Variants in HSP90AA1 observed in about 807,000 individuals in gnomAD.
HSP90AA1 encodes the protein heat shock protein HSP 90-alpha.
In HSP90AA1, 18 loss-of-function variants were observed where a neutral mutation model predicts 73.3. That is an observed-to-expected ratio of 0.25 (90% CI 0.17 to 0.36). The LOEUF is 0.36. HSP90AA1 is among the 10% of genes least tolerant of loss of function. The pLI is 1.00. For synonymous variants in HSP90AA1, 477 were observed against 296.9 expected, an observed-to-expected ratio of 1.61 and a Z score of -6.24; for missense variants, 704 against 874.2, an observed-to-expected ratio of 0.81 and a Z score of 2.45.
intron 3 of HSP90AA1, 46 bp downstream of exon 3, chr14:102,085,712 C>T (rs375506728): frequency 1.7e-5 from 28 of 1,613,436 alleles, no homozygotes; most frequent in African/African-American, 2.7e-5. Flanking sequence ...TTGCAGCACC[C>T]CACCCTTCCA....
upstream of HSP90AA1, chr14:102,087,153 C>T (rs142800199): frequency 3.2e-4 from 315 of 983,862 alleles, 1 homozygote; most frequent in Non-Finnish European, 3.6e-4. Flanking sequence ...CAGCCGCCGC[C>T]GCGGCCGCGC....
In HSP90AA1 at chr14:102,081,033, C is replaced by G. The variant is rs1002401794; in HGVS notation, c.*679G>C. On this transcript the variant is annotated 3_prime_UTR_variant, in exon 11 of 11. Coordinates refer to ENST00000216281, the MANE Select transcript of HSP90AA1 (RefSeq NM_005348.4). ...TACTCCCCTTTCCCCCTAAATAAGA[C>G]ACTGTCACACAATATCTTTTAACTC... 4.4e-6 allele frequency: 1 copy of G among 227,410 alleles called. No individual in the cohort carries two copies. The highest frequency in any genetic ancestry group is 2.2e-5 in the African/African-American group (1 of 44,980). The allele number at this position is 227,410 out of a possible 1,614,324, so 14.1% of individuals were successfully genotyped here. A position where few individuals can be genotyped will look rare whatever the true frequency, so the allele number is the denominator to read the frequency against.
At chr14:102,101,625 C>A (rs1055374418) in intron 2 of HSP90AA1, among the ~76,000 whole-genome samples, 16 of 152,224 alleles carry the variant, frequency 1.1e-4, no homozygotes, top group African/African-American at 3.6e-4. Flanking sequence ...CATATATGCG[C>A]TATAGCCCTG....
chr14:102,084,192 GCC>G (rs1311087807), intron 6 of HSP90AA1: 1 of 672,956 alleles, frequency 1.5e-6, no homozygotes, highest in Non-Finnish European at 2.6e-6. Flanking sequence ...TCATGCCTCA[GCC>G]TGCCACTACA....
chr14:102,083,483 C>T, intron 8 of HSP90AA1, 63 bp downstream of exon 8: 2 of 1,530,942 alleles, frequency 1.3e-6, no homozygotes, highest in Non-Finnish European at 1.8e-6. Context: ...GTAGAAAACA[C>T]ACCCACAGAG....
intron 1 of HSP90AA1, among the ~76,000 whole-genome samples, chr14:102,132,685 G>C (rs572309642): frequency 6.6e-6 from 1 of 152,188 alleles, no homozygotes; most frequent in Non-Finnish European, 1.5e-5. Flanking sequence ...GGGGCTGGGC[G>C]TGGTGGCTCA....
At chr14:102,120,086 G>T (rs1177520806) in intron 1 of HSP90AA1, among the ~76,000 whole-genome samples, 1 of 152,174 alleles carries the variant, frequency 6.6e-6, no homozygotes. Flanking sequence ...AATACAGACT[G>T]GGTGTGGTGG....
At chr14:102,111,283 G>C (rs1253367609) in intron 1 of HSP90AA1, among the ~76,000 whole-genome samples, 1 of 152,254 alleles carries the variant, frequency 6.6e-6, no homozygotes, top group Non-Finnish European at 1.5e-5. Flanking sequence ...GCCGGGCCCA[G>C]GGCCCCCTTG....
chr14:102,083,751 C>T, intron 7 of HSP90AA1, 42 bp downstream of exon 7: 1 of 1,147,698 alleles, frequency 8.7e-7, no homozygotes, highest in African/African-American at 1.6e-5. Flanking sequence ...AAAAAAAAAA[C>T]TAAAGAGGCC....
At chr14:102,102,227 A>G in intron 1 of HSP90AA1, 1 of 731,916 alleles carries the variant, frequency 1.4e-6, no homozygotes, top group Non-Finnish European at 2.4e-6. Flanking sequence ...GGATTAAAAT[A>G]TGTGATATGT....
chr14:102,086,426 G>A lies in HSP90AA1; in HGVS notation c.1-48C>T, dbSNP rs764486295. The A allele has an allele frequency of 5.6e-6, 9 of 1,598,616 alleles. No individual in the cohort carries two copies. The Admixed American group carries it at 6.7e-5, about 12-fold the overall frequency. Reference sequence around the variant, plus strand: ...TAAAACCTTGCAGGACGTCTACAGAGGCAACACGAAATTCCATCGCGTTCT... The same window carrying A: ...TAAAACCTTGCAGGACGTCTACAGAAGCAACACGAAATTCCATCGCGTTCT... On this transcript the variant is annotated intron_variant, in intron 1 of 10. Coordinates refer to ENST00000216281, the MANE Select transcript of HSP90AA1 (RefSeq NM_005348.4).
upstream of HSP90AA1, among the ~76,000 whole-genome samples, chr14:102,087,684 G>A (rs768131936): frequency 1.3e-5 from 2 of 152,088 alleles, no homozygotes. Context: ...GCTGTCCCGC[G>A]GCCTGCGCGC....
chr14:102,085,209 G>C (rs892167012), intron 4 of HSP90AA1, 89 bp downstream of exon 4: 16 of 1,476,246 alleles, frequency 1.1e-5, no homozygotes, highest in South Asian at 5.7e-5. Flanking sequence ...CTTCAGACTA[G>C]TTGAACAGAT....
chr14:102,094,845 C>T (rs1385770743), intron 2 of HSP90AA1, among the ~76,000 whole-genome samples: 1 of 152,112 alleles, frequency 6.6e-6, no homozygotes, highest in Admixed American at 6.6e-5. Flanking sequence ...TCCACTCTGA[C>T]CGTGGTGTGT....
intron 6 of HSP90AA1, 95 bp from the exon 7 acceptor site, chr14:102,084,078 G>T: frequency 5.0e-6 from 5 of 997,524 alleles, no homozygotes; most frequent in Non-Finnish European, 7.8e-6. Flanking sequence ...GAAGATGATG[G>T]GACGTATTTT....
intron 7 of HSP90AA1, 23 bp from the exon 8 acceptor site, chr14:102,083,716 CAAAGA>C (rs761305652): frequency 2.6e-6 from 3 of 1,175,516 alleles, no homozygotes; most frequent in Non-Finnish European, 3.7e-6. Context: ...ATGTTCTTTA[CAAAGA>C]CTTTCTGAAT....
chr14:102,087,224 G>A (rs1186827820), upstream of HSP90AA1: 1 of 935,726 alleles, frequency 1.1e-6, no homozygotes, highest in Non-Finnish European at 1.3e-6. Context: ...GGCGCGCGCA[G>A]GCCCTGCTCG....
At chr14:102,117,202 G>A (rs1595675520) in intron 1 of HSP90AA1, among the ~76,000 whole-genome samples, 1 of 152,288 alleles carries the variant, frequency 6.6e-6, no homozygotes, top group African/African-American at 2.4e-5. Flanking sequence ...GAACAGCCTG[G>A]GTGCCGTGAA....
Position 102,083,553 on chromosome 14 carries a change from A to T in HSP90AA1, c.1479T>A (p.Tyr493Ter). The T allele has an allele frequency of 6.2e-7, 1 of 1,613,656 alleles. No homozygotes were observed. The highest frequency in any genetic ancestry group is 2.2e-5 in the East Asian group (1 of 44,882). Residue 493 changes from tyrosine (Y) to a stop codon, truncating the protein, a stop_gained, in exon 8 of 11, where the codon TAT (tyrosine) becomes TAA (stop). Transcript: ENST00000216281. LOFTEE classifies it high-confidence loss of function. ...AACATAGTGTTCTCTTACCTGTGAT[A>T]TAATAGATATGTTTCTGGTTCTCCT... ...RMKENQKHIY[Y>*]ITGETKDQVA...
Sources: allele counts gnomAD v4.1 joint callset (sites outside exome capture counted in the v4.1 genomes callset), GRCh38; gene constraint gnomAD v4.1.1; transcripts MANE v1.5; gene names NCBI Gene and HGNC (gene_info 2026-07-23, HGNC 2026-07-21).